Variants in SH3D19 observed in about 807,000 individuals in gnomAD.
SH3D19 encodes the protein SH3 domain-containing protein 19.
Under a neutral mutation model 112.1 loss-of-function variants are expected in SH3D19, and 58 were observed. The observed-to-expected ratio is 0.52, with a 90% CI of 0.42 to 0.64. The LOEUF (loss-of-function observed/expected upper bound fraction) is 0.64, where lower values mean the gene tolerates loss of function less well. SH3D19 is among the 30% of genes least tolerant of loss of function. The pLI, the probability that SH3D19 is intolerant of heterozygous loss-of-function variation, is 0.00. For synonymous variants in SH3D19, 391 were observed against 448.5 expected, an observed-to-expected ratio of 0.87 and a Z score of 1.62; for missense variants, 1,090 against 1,263.4, an observed-to-expected ratio of 0.86 and a Z score of 2.08.
At chr4:151,312,946 G>A (rs986446956) in intron 1 of SH3D19, among the ~76,000 whole-genome samples, 12 of 151,180 alleles carry the variant, frequency 7.9e-5, no homozygotes, top group African/African-American at 2.7e-4. Flanking sequence ...TAAATTAGCC[G>A]GGTGTGGTGG....
In SH3D19 at chr4:151,176,571, A is replaced by G; in HGVS notation, c.492T>C (p.Thr164=). 2 of 1,232,154 alleles carry G rather than the reference A, an allele frequency of 1.6e-6. No individual in the cohort carries two copies. Among genetic ancestry groups the G allele is most frequent in the Non-Finnish European group, 2.0e-6 (2 of 987,946 alleles). 76.3% of individuals were successfully genotyped at this position (1,232,154 alleles called of 1,614,324 possible). The change falls in exon 6 of 20, where the codon ACT becomes ACC. Residue 164 remains threonine (T), a synonymous_variant. Transcript: ENST00000604030. ...CGTTGTCTATTTCTTCTGAAAAGTC[A>G]GTCTGAGTTGCAGAAGTAATAGTGT... ...PRHTITSATQ[T]DFSEEIDNDL... is the part of the protein sequence containing the mutation.
In SH3D19 at chr4:151,121,148, G is replaced by A. The variant is rs1051825869; in HGVS notation, c.*943C>T. The A allele has an allele frequency of 6.6e-6, 1 of 152,528 alleles. No individual in the cohort carries two copies. The highest frequency in any genetic ancestry group is 1.5e-5 in the Non-Finnish European group (1 of 68,014). 9.4% of individuals were successfully genotyped at this position (152,528 alleles called of 1,614,324 possible). A position where few individuals can be genotyped will look rare whatever the true frequency, so the allele number is the denominator to read the frequency against. Reference sequence around the variant, plus strand: ...AAATGAGCTGTGGAGGTTTGGCACTGTTTTCCATCTTAACAGTTGTTCTGT... The same window carrying A: ...AAATGAGCTGTGGAGGTTTGGCACTATTTTCCATCTTAACAGTTGTTCTGT... On this transcript the variant is annotated 3_prime_UTR_variant, in exon 20 of 20. Coordinates refer to ENST00000604030, the MANE Select transcript of SH3D19 (RefSeq NM_001378122.1).
At chr4:151,321,030 G>C (rs1730480535) in intron 1 of SH3D19, among the ~76,000 whole-genome samples, 1 of 152,126 alleles carries the variant, frequency 6.6e-6, no homozygotes. Context: ...AACAGAGCAA[G>C]ACTCTGTCTC....
intron 2 of SH3D19, among the ~76,000 whole-genome samples, chr4:151,214,182 G>A (rs985637197): frequency 2.0e-5 from 3 of 152,008 alleles, no homozygotes; most frequent in Non-Finnish European, 4.4e-5. Flanking sequence ...ACAGGGCTGG[G>A]GGGTAAGGTC....
chr4:151,165,524 T>C (rs1172458289), intron 8 of SH3D19, 65 bp downstream of exon 8: 30 of 1,244,706 alleles, frequency 2.4e-5, no homozygotes, highest in Non-Finnish European at 3.5e-5. Context: ...CAGACATTGA[T>C]AAATTAGCAT....
chr4:151,139,928 T>C (rs989640618), intron 12 of SH3D19, 81 bp from the exon 13 acceptor site: 3 of 1,319,826 alleles, frequency 2.3e-6, no homozygotes, highest in African/African-American at 2.9e-5. Context: ...CAATTTTTTT[T>C]TTCTCATTAG....
chr4:151,290,939 T>G (rs1775269994), intron 1 of SH3D19, among the ~76,000 whole-genome samples: 1 of 152,208 alleles, frequency 6.6e-6, no homozygotes, highest in African/African-American at 2.4e-5. Flanking sequence ...CAATTTCAAT[T>G]CTATGATTCT....
At chr4:151,277,483 G>T (rs1773751934) in intron 1 of SH3D19, among the ~76,000 whole-genome samples, 1 of 152,078 alleles carries the variant, frequency 6.6e-6, no homozygotes, top group Admixed American at 6.5e-5. Context: ...AAATTATAAG[G>T]CTTGTTAGAA....
intron 2 of SH3D19, among the ~76,000 whole-genome samples, chr4:151,216,746 G>T (rs1767169759): frequency 6.6e-6 from 1 of 152,108 alleles, no homozygotes; most frequent in Non-Finnish European, 1.5e-5. Flanking sequence ...AAGTACTATG[G>T]CAGTGGTAGA....
At chr4:151,210,387 T>C (rs1182848564) in intron 2 of SH3D19, among the ~76,000 whole-genome samples, 2 of 151,536 alleles carry the variant, frequency 1.3e-5, no homozygotes, top group Middle Eastern at 3.2e-3. Flanking sequence ...AAGAAACTTA[T>C]ATATATCATC....
chr4:151,191,341 G>C (rs1050064915), intron 2 of SH3D19, among the ~76,000 whole-genome samples: 1 of 152,150 alleles, frequency 6.6e-6, no homozygotes, highest in African/African-American at 2.4e-5. Flanking sequence ...GGCATGATTG[G>C]TTTTAAAATG....
intron 2 of SH3D19, among the ~76,000 whole-genome samples, chr4:151,215,890 C>G (rs1766995304): frequency 6.6e-6 from 1 of 151,434 alleles, no homozygotes; most frequent in African/African-American, 2.4e-5. Context: ...CAGTGGCGTA[C>G]TCTCGGCTCA....
At chr4:151,286,299 A>C (rs1353193019) in intron 1 of SH3D19, among the ~76,000 whole-genome samples, 1 of 151,446 alleles carries the variant, frequency 6.6e-6, no homozygotes, top group Non-Finnish European at 1.5e-5. Context: ...AAATAAACAA[A>C]AGCAAAAGTT....
At chr4:151,288,190 T>C (rs1561434240) in intron 1 of SH3D19, among the ~76,000 whole-genome samples, 1 of 152,148 alleles carries the variant, frequency 6.6e-6, no homozygotes, top group Non-Finnish European at 1.5e-5. Flanking sequence ...TAAAATACTA[T>C]ATGCTTTTGC....
rs577168363 is a variant in SH3D19 at position 151,213,691 on chromosome 4, T to A, written c.152+12356A>T. On this transcript the variant is annotated intron_variant, in intron 2 of 19. Coordinates refer to ENST00000604030, the MANE Select transcript of SH3D19 (RefSeq NM_001378122.1). ...GAATTAATTAATTAATTAATTAATT[T>A]ATTTATTTATTTGACAGGGTCTTGT... Among the ~76,000 whole-genome samples the A allele has an allele frequency of 1.5e-3, 229 of 150,784 alleles. 1 individual carries two copies. The highest frequency in any genetic ancestry group is 5.2e-3 in the African/African-American group (212 of 41,092).
chr4:151,235,771 G>A (rs547710596), intron 1 of SH3D19, among the ~76,000 whole-genome samples: 6 of 151,376 alleles, frequency 4.0e-5, no homozygotes, highest in African/African-American at 1.5e-4. Flanking sequence ...GGGTGAAAGA[G>A]CAAGACTCTG....
intron 1 of SH3D19, among the ~76,000 whole-genome samples, chr4:151,237,713 A>G (rs529371373): frequency 1.3e-5 from 2 of 152,338 alleles, no homozygotes; most frequent in South Asian, 4.1e-4. Context: ...AGTGCTCAAT[A>G]AACATCTACT....
chr4:151,167,015 GA>G (rs536901795), intron 7 of SH3D19, among the ~76,000 whole-genome samples: 39 of 152,138 alleles, frequency 2.6e-4, no homozygotes, highest in African/African-American at 8.4e-4. Flanking sequence ...TACCACTTAG[GA>G]AGGGTCCCCA....
intron 9 of SH3D19, among the ~76,000 whole-genome samples, chr4:151,158,795 A>G (rs1387974948): frequency 1.3e-5 from 2 of 152,072 alleles, no homozygotes; most frequent in African/African-American, 2.4e-5. Context: ...ACAGTAAAAC[A>G]CTATTTTTTA....
Sources: allele counts gnomAD v4.1 joint callset (sites outside exome capture counted in the v4.1 genomes callset), GRCh38; gene constraint gnomAD v4.1.1; transcripts MANE v1.5; gene names NCBI Gene and HGNC (gene_info 2026-07-23, HGNC 2026-07-21).